The following KCNJ3 variants were observed in gnomAD, a reference collection of about 807,000 sequenced individuals.
KCNJ3 encodes potassium inwardly rectifying channel subfamily J member 3.
KCNJ3 carries 4 observed loss-of-function variants against 39.2 expected under a neutral mutation model. That is an observed-to-expected ratio of 0.10 (90% CI 0.05 to 0.23). The LOEUF is 0.23. Among genes scored for constraint, KCNJ3 ranks in the 10% least tolerant of loss-of-function variants. The pLI, the probability that KCNJ3 is intolerant of heterozygous loss-of-function variation, is 1.00. For missense variants in KCNJ3, 276 were observed against 634.9 expected, an observed-to-expected ratio of 0.43 and a Z score of 6.08; for synonymous variants, 230 against 237.4, an observed-to-expected ratio of 0.97 and a Z score of 0.29.
Position 154,699,810 on chromosome 2 carries a change from G to C in KCNJ3, c.702+333G>C, listed in dbSNP as rs1486541123. ...TTCGCCTTCCTGTCCCTGTTGCTTCGCTATTCAGAGCGATTTTATTTGTTG... is the reference window on the plus strand; with the variant it reads ...TTCGCCTTCCTGTCCCTGTTGCTTCCCTATTCAGAGCGATTTTATTTGTTG... On this transcript the variant is annotated intron_variant, in intron 1 of 2. Coordinates refer to ENST00000295101, the MANE Select transcript of KCNJ3 (RefSeq NM_002239.4). The surrounding 1 kb of genome is among the most constrained non-coding windows in gnomAD (Gnocchi z 6.4). Among the ~76,000 whole-genome samples the C allele has an allele frequency of 6.6e-6, 1 of 152,068 alleles. No individual in the cohort carries two copies. Among genetic ancestry groups the C allele is most frequent in the Non-Finnish European group, 1.5e-5 (1 of 68,030 alleles).
At chr2:154,750,854 A>G (rs897637836) in intron 2 of KCNJ3, among the ~76,000 whole-genome samples, 1 of 152,068 alleles carries the variant, frequency 6.6e-6, no homozygotes, top group Admixed American at 6.6e-5. Context: ...CTAGTCAAAA[A>G]TAAGTATGTT....
At chr2:154,840,351 T>C (rs1687553768) in intron 2 of KCNJ3, among the ~76,000 whole-genome samples, 3 of 152,194 alleles carry the variant, frequency 2.0e-5, no homozygotes. Flanking sequence ...AGCCTTGTAG[T>C]ATACTTTGAA....
intron 2 of KCNJ3, among the ~76,000 whole-genome samples, chr2:154,833,482 A>T (rs1687396716): frequency 6.6e-6 from 1 of 152,210 alleles, no homozygotes; most frequent in Admixed American, 6.5e-5. Flanking sequence ...AGCTTCTCAC[A>T]CCATCAGTTT....
intron 1 of KCNJ3, among the ~76,000 whole-genome samples, chr2:154,705,362 G>C (rs770714262): frequency 5.9e-5 from 9 of 152,144 alleles, no homozygotes; most frequent in Admixed American, 1.3e-4. Context: ...GTGTGTGTCT[G>C]TCTGTCTTTG....
chr2:154,700,386 T>C (rs1280361560), intron 1 of KCNJ3, among the ~76,000 whole-genome samples: 1 of 152,204 alleles, frequency 6.6e-6, no homozygotes, highest in East Asian at 1.9e-4. Context: ...TAATCACTCA[T>C]CCAATTAGAG....
At chr2:154,803,428 C>T (rs191309866) in intron 2 of KCNJ3, among the ~76,000 whole-genome samples, 350 of 151,780 alleles carry the variant, frequency 2.3e-3, no homozygotes, top group Admixed American at 5.0e-3. Context: ...AAATAGTTCA[C>T]ACGCACTAAC....
intron 2 of KCNJ3, among the ~76,000 whole-genome samples, chr2:154,779,348 C>T (rs533055223): frequency 2.0e-5 from 3 of 151,228 alleles, no homozygotes; most frequent in African/African-American, 7.3e-5. Flanking sequence ...ATACTGGCTT[C>T]TCTAACATGA....
chr2:154,817,388 G>A (rs1204831136), intron 2 of KCNJ3, among the ~76,000 whole-genome samples: 1 of 152,156 alleles, frequency 6.6e-6, no homozygotes, highest in African/African-American at 2.4e-5. Context: ...TGAGGTTTAT[G>A]TTAGAGCTGG....
chr2:154,845,485 T>C (rs1036370078), intron 2 of KCNJ3, among the ~76,000 whole-genome samples: 2 of 151,680 alleles, frequency 1.3e-5, no homozygotes, highest in African/African-American at 4.9e-5. Flanking sequence ...TATTATATTG[T>C]AGTTATATAG....
Position 154,855,544 on chromosome 2 carries a change from CAAT to C in KCNJ3, c.*235_*237del. The C allele has an allele frequency of 2.7e-6, 1 of 375,556 alleles. No homozygotes were observed. Among genetic ancestry groups the C allele is most frequent in the Admixed American group, 4.1e-5 (1 of 24,338 alleles). The allele number at this position is 375,556 out of a possible 1,614,324, so 23.3% of individuals were successfully genotyped here. ...GGCATGTATTATCACATCAAGCATG[CAAT>C]AATGTGCAAATTTTGCATTTAGTTT... On this transcript the variant is annotated 3_prime_UTR_variant, in exon 3 of 3. Transcript: ENST00000295101.
At chr2:154,722,758 G>T (rs1227453922) in intron 2 of KCNJ3, among the ~76,000 whole-genome samples, 1 of 152,086 alleles carries the variant, frequency 6.6e-6, no homozygotes, top group African/African-American at 2.4e-5. Flanking sequence ...ACTGGAGGTG[G>T]GTAGAACAAT....
chr2:154,770,826 G>A (rs73005218), intron 2 of KCNJ3, among the ~76,000 whole-genome samples: 22,951 of 151,220 alleles, frequency 0.15, 3,034 homozygotes, highest in African/African-American at 0.36. Flanking sequence ...TAAATTTGTG[G>A]TTGTGAAAAT....
intron 2 of KCNJ3, among the ~76,000 whole-genome samples, chr2:154,747,794 T>C (rs563703043): frequency 6.6e-6 from 1 of 152,166 alleles, no homozygotes; most frequent in South Asian, 2.1e-4. Flanking sequence ...AAAGGCCTGT[T>C]GTTTGATAGG....
At chr2:154,847,794 T>A (rs560941018) in intron 2 of KCNJ3, among the ~76,000 whole-genome samples, 118 of 152,286 alleles carry the variant, frequency 7.7e-4, no homozygotes, top group African/African-American at 2.4e-3. Flanking sequence ...CTTAAAGAGA[T>A]GTATTAGTTT....
intron 2 of KCNJ3, among the ~76,000 whole-genome samples, chr2:154,797,428 C>T (rs1027133753): frequency 3.3e-5 from 5 of 151,882 alleles, no homozygotes; most frequent in African/African-American, 7.3e-5. Context: ...ACCAAAACTC[C>T]GTAAAATAAG....
At chr2:154,732,258 T>G (rs1685459974) in intron 2 of KCNJ3, among the ~76,000 whole-genome samples, 1 of 152,160 alleles carries the variant, frequency 6.6e-6, no homozygotes, top group South Asian at 2.1e-4. Flanking sequence ...CTAAATGTCT[T>G]ATTTATCCCA....
At chr2:154,760,526 G>A (rs894580931) in intron 2 of KCNJ3, among the ~76,000 whole-genome samples, 7 of 151,620 alleles carry the variant, frequency 4.6e-5, no homozygotes, top group African/African-American at 1.7e-4. Flanking sequence ...TCCAAATGTT[G>A]TGAAGTTTTG....
chr2:154,765,075 G>A (rs1033863060), intron 2 of KCNJ3, among the ~76,000 whole-genome samples: 2 of 152,272 alleles, frequency 1.3e-5, no homozygotes, highest in South Asian at 4.1e-4. Context: ...GGGCATGAGG[G>A]CTGTGCTATG....
chr2:154,709,462 A>C, intron 1 of KCNJ3, 141 bp from the exon 2 acceptor site: 1 of 801,958 alleles, frequency 1.2e-6, no homozygotes, highest in South Asian at 1.8e-5. Context: ...GCTAGAACAT[A>C]GTTGCATAAT....
Sources: gnomAD v4.1 joint callset for allele counts (sites outside exome capture counted in the v4.1 genomes callset) on GRCh38, gnomAD v4.1.1 for gene constraint, Gnocchi (gnomAD v3.1) non-coding constraint, MANE v1.5 for transcripts, NCBI Gene and HGNC (gene_info 2026-07-23, HGNC 2026-07-21) for gene names.